The following MED13L variants were observed in gnomAD, a reference collection of about 807,000 sequenced individuals.
MED13L encodes mediator of RNA polymerase II transcription subunit 13-like.
A neutral mutation model predicts 220.9 loss-of-function variants in MED13L; 7 were observed. The observed-to-expected ratio is 0.03, with a 90% CI of 0.02 to 0.06. The LOEUF (loss-of-function observed/expected upper bound fraction) is 0.06, where lower values mean the gene tolerates loss of function less well. Ranked by LOEUF, MED13L falls within the 10% of genes least tolerant of loss-of-function variation. MED13L has a pLI of 1.00. For synonymous variants in MED13L, 1,011 were observed against 1,015.2 expected (o/e 1.00, Z 0.08); for missense variants, 1,965 against 2,760.5 (o/e 0.71, Z 6.46).
At chr12:115,995,858 C>T (rs142315443) in intron 16 of MED13L, among the ~76,000 whole-genome samples, 1 of 152,258 alleles carries the variant, frequency 6.6e-6, no homozygotes, top group African/African-American at 2.4e-5. Flanking sequence ...AAGTAAAAAA[C>T]AGATCGGTTG....
chr12:116,242,577 C>A (rs1870754029), intron 1 of MED13L, among the ~76,000 whole-genome samples: 1 of 152,024 alleles, frequency 6.6e-6, no homozygotes, highest in Non-Finnish European at 1.5e-5. Flanking sequence ...AAGAAGGAAA[C>A]CTATATGCAC....
chr12:115,991,366 A>T lies in MED13L; in HGVS notation c.3588T>A (p.Ala1196=). ...GACACATCATTAAGCGCCTCTCTGC[A>T]GCCTGACCAATATCAGAATTCTTCC... ...IFGKNSDIGQ[A]AERRLMMCQS... is the part of the protein sequence containing the mutation. The change falls in exon 17 of 31, where the codon GCT becomes GCA. Residue 1196 remains alanine (A), a synonymous_variant. Coordinates refer to ENST00000281928, the MANE Select transcript of MED13L (RefSeq NM_015335.5). This position sits in a 1 kb window ranked among gnomAD's most constrained non-coding sequence, Gnocchi z 7.7. 1 of 1,614,032 alleles carries T rather than the reference A, an allele frequency of 6.2e-7. No individual in the cohort carries two copies.
At chr12:116,115,539 G>A (rs1207608585) in intron 2 of MED13L, among the ~76,000 whole-genome samples, 4 of 151,760 alleles carry the variant, frequency 2.6e-5, no homozygotes, top group Non-Finnish European at 4.4e-5. Context: ...AAAAAATATG[G>A]GAAAGTTATG....
chr12:116,212,933 T>C (rs1882783480), intron 2 of MED13L, among the ~76,000 whole-genome samples: 1 of 152,162 alleles, frequency 6.6e-6, no homozygotes, highest in African/African-American at 2.4e-5. Context: ...ATGCTGCCAT[T>C]AGATCAGGCA....
chr12:115,970,474 C>T, intron 27 of MED13L, 120 bp downstream of exon 27: 1 of 1,036,886 alleles, frequency 9.6e-7, no homozygotes, highest in Non-Finnish European at 1.5e-6. Flanking sequence ...TCTATCCCCT[C>T]TTTATAGTTC....
At chr12:116,042,188 T>G (rs1881573490) in intron 4 of MED13L, among the ~76,000 whole-genome samples, 1 of 152,234 alleles carries the variant, frequency 6.6e-6, no homozygotes, top group Admixed American at 6.5e-5. Flanking sequence ...GTACCACTGA[T>G]GAAGACACTG....
At position 116,052,610 on chromosome 12, in the gene MED13L, CAGTT is replaced by C. The variant is rs545949707; in HGVS notation, c.480-30013_480-30010del. ...GAAAGCATCATTCACTCTTAAATGT[CAGTT>C]AGTTAAGAACAAAAATCACTAATCA... On this transcript the variant is annotated intron_variant, in intron 4 of 30. Coordinates refer to ENST00000281928, the MANE Select transcript of MED13L (RefSeq NM_015335.5). Among the ~76,000 whole-genome samples, 51 of 152,294 alleles carry C rather than the reference CAGTT, an allele frequency of 3.3e-4. 1 individual carries two copies. The highest frequency in any genetic ancestry group is 2.4e-3 in the Admixed American group (37 of 15,296).
intron 1 of MED13L, among the ~76,000 whole-genome samples, chr12:116,273,836 T>A (rs1470998118): frequency 6.6e-6 from 1 of 152,178 alleles, no homozygotes; most frequent in Admixed American, 6.5e-5. Context: ...CCATATTAAC[T>A]CAATAGAGAA....
At chr12:116,174,517 A>C (rs1202224728) in intron 2 of MED13L, 1 of 152,076 alleles carries the variant, frequency 6.6e-6, no homozygotes, top group Non-Finnish European at 1.5e-5. Context: ...AAAAACAAAA[A>C]AGGTTTGGCT....
intron 4 of MED13L, among the ~76,000 whole-genome samples, chr12:116,054,792 G>C (rs762301898): frequency 1.3e-5 from 2 of 152,136 alleles, no homozygotes; most frequent in Non-Finnish European, 2.9e-5. Context: ...AAAATTGCTT[G>C]GCAGTATCTA....
At position 115,987,311 on chromosome 12, in the gene MED13L, C is replaced by CA. The variant is rs770511949; in HGVS notation, c.3935-24dup. 5.0e-6 allele frequency: 8 copies of CA among 1,607,232 alleles called. 1 individual carries two copies. In the South Asian group the frequency reaches 8.9e-5, roughly 18 times the overall value. The stretch of plus-strand genomic sequence containing the variant: ...GCACTGGAAGAGAAGTGAGAAGAAA[C>CA]AGAGAAGATAAGGGGGCTAGCACCC... On this transcript the variant is annotated intron_variant, in intron 17 of 30. Coordinates refer to ENST00000281928, the MANE Select transcript of MED13L (RefSeq NM_015335.5).
At chr12:116,084,542 TATTC>T (rs1871481479) in intron 4 of MED13L, among the ~76,000 whole-genome samples, 1 of 152,224 alleles carries the variant, frequency 6.6e-6, no homozygotes, top group South Asian at 2.1e-4. Context: ...AAATATTATT[TATTC>T]AAGAACACAA....
intron 2 of MED13L, among the ~76,000 whole-genome samples, chr12:116,134,698 C>T (rs986393060): frequency 6.6e-6 from 1 of 152,072 alleles, no homozygotes; most frequent in African/African-American, 2.4e-5. Flanking sequence ...CCTTATTTAC[C>T]TAAAAGACAA....
intron 2 of MED13L, among the ~76,000 whole-genome samples, chr12:116,165,023 C>T (rs958965431): frequency 9.9e-5 from 15 of 152,144 alleles, no homozygotes; most frequent in African/African-American, 3.1e-4. Flanking sequence ...ATCTGCAATA[C>T]ATGGTTAAGA....
intron 17 of MED13L, among the ~76,000 whole-genome samples, chr12:115,987,792 TGCAGCCAGAGGCACAGGGAAACACA>T (rs1480064036): frequency 6.6e-6 from 1 of 152,222 alleles, no homozygotes; most frequent in East Asian, 1.9e-4. Flanking sequence ...CAATCTTCAG[TGCAGCCAGAGGCACAGGGAAACACA>T]GCTGAAGCCC....
rs1878096820 is a variant in MED13L, at chr12:115,992,036, T to A, written c.2997-79A>T. On this transcript the variant is annotated intron_variant, in intron 16 of 30. Coordinates refer to ENST00000281928, the MANE Select transcript of MED13L (RefSeq NM_015335.5). ...ACTAGACACATGATCACCCCAGCCATGTACTGTGTATTTCTTATCATTTGT... is the reference window on the plus strand; with the variant it reads ...ACTAGACACATGATCACCCCAGCCAAGTACTGTGTATTTCTTATCATTTGT... 2.5e-6 allele frequency: 3 copies of A among 1,209,390 alleles called. No individual in the cohort carries two copies. In the Admixed American group the frequency reaches 5.8e-5, roughly 23 times the overall value. The allele number at this position is 1,209,390 out of a possible 1,614,324, so 74.9% of individuals were successfully genotyped here. A position where few individuals can be genotyped will look rare whatever the true frequency, so the allele number is the denominator to read the frequency against.
intron 4 of MED13L, among the ~76,000 whole-genome samples, chr12:116,078,191 C>T (rs998510003): frequency 6.0e-5 from 9 of 151,138 alleles, no homozygotes; most frequent in Admixed American, 6.6e-5. Context: ...AAATGCTCTG[C>T]TGTGCATATG....
At chr12:116,236,588 T>C (rs952534114) in intron 2 of MED13L, among the ~76,000 whole-genome samples, 6 of 151,204 alleles carry the variant, frequency 4.0e-5, no homozygotes, top group African/African-American at 1.5e-4. Flanking sequence ...ATTAACACAA[T>C]ATAGTTTGGA....
At chr12:116,245,798 C>T (rs1482615039) in intron 1 of MED13L, among the ~76,000 whole-genome samples, 1 of 152,012 alleles carries the variant, frequency 6.6e-6, no homozygotes, top group Non-Finnish European at 1.5e-5. Context: ...AAGCTGAAAT[C>T]CAAATACAAG....
Sources: gnomAD v4.1 joint callset for allele counts (sites outside exome capture counted in the v4.1 genomes callset) on GRCh38, gnomAD v4.1.1 for gene constraint, Gnocchi (gnomAD v3.1) non-coding constraint, MANE v1.5 for transcripts, NCBI Gene and HGNC (gene_info 2026-07-23, HGNC 2026-07-21) for gene names.